Variants in DRC11 observed in about 807,000 individuals in gnomAD.
DRC11 encodes dynein regulatory complex subunit 11, also known as IQ and AAA domain-containing protein 1.
chr2:236,373,040 T>C, the DRC11 span, among the ~76,000 whole-genome samples: 5 of 152,176 alleles, frequency 3.3e-5, no homozygotes, highest in African/African-American at 1.2e-4. Flanking sequence ...TTTAATATCC[T>C]TAATTTCTAA....
the DRC11 span, among the ~76,000 whole-genome samples, chr2:236,348,095 G>A: frequency 6.6e-6 from 1 of 152,194 alleles, no homozygotes; most frequent in South Asian, 2.1e-4. The surrounding 1 kb of genome is among the most constrained non-coding windows in gnomAD (Gnocchi z 7.4). Context: ...TTAAAAGAAC[G>A]TTTAATAAAA....
chr2:236,455,457 G>A, the DRC11 span, among the ~76,000 whole-genome samples: 1 of 152,224 alleles, frequency 6.6e-6, no homozygotes, highest in Admixed American at 6.5e-5. This position sits in a 1 kb window ranked among gnomAD's most constrained non-coding sequence, Gnocchi z 5.7. Context: ...GACTAGTGAT[G>A]GGAGGTGCTG....
chr2:236,388,978 G>C, the DRC11 span, among the ~76,000 whole-genome samples: 4 of 152,114 alleles, frequency 2.6e-5, no homozygotes, highest in Non-Finnish European at 4.4e-5. Flanking sequence ...CTGCTCGGGG[G>C]TCAGGGGTCA....
chr2:236,487,419 C>T, the DRC11 span, among the ~76,000 whole-genome samples: 2,053 of 152,146 alleles, frequency 0.013, 55 homozygotes, highest in African/African-American at 0.047. Context: ...ATTTTATGTC[C>T]TTATACTTAT....
At chr2:236,383,825 C>A in the DRC11 span, among the ~76,000 whole-genome samples, 1 of 151,848 alleles carries the variant, frequency 6.6e-6, no homozygotes, top group South Asian at 2.1e-4. Flanking sequence ...TCCCCCCACC[C>A]CACAACAGTC....
chr2:236,352,459 A>T, the DRC11 span, among the ~76,000 whole-genome samples: 5 of 152,208 alleles, frequency 3.3e-5, no homozygotes, highest in East Asian at 9.7e-4. The surrounding 1 kb of genome is among the most constrained non-coding windows in gnomAD (Gnocchi z 7.0). Flanking sequence ...TGCACCACAG[A>T]CACTGGGGGA....
the DRC11 span, chr2:236,488,002 TC>T: frequency 6.3e-7 from 1 of 1,576,754 alleles, no homozygotes; most frequent in South Asian, 1.2e-5. Context: ...GTTTGCACCT[TC>T]TGAATGCGGA....
chr2:236,489,426 C>T, the DRC11 span, among the ~76,000 whole-genome samples: 1 of 151,170 alleles, frequency 6.6e-6, no homozygotes. Context: ...ATGCTGGGGC[C>T]TGTGTGGGCT....
the DRC11 span, among the ~76,000 whole-genome samples, chr2:236,350,568 C>T: frequency 1.3e-5 from 2 of 152,226 alleles, no homozygotes; most frequent in East Asian, 3.9e-4. This position sits in a 1 kb window ranked among gnomAD's most constrained non-coding sequence, Gnocchi z 5.2. Context: ...ACAGATGAGG[C>T]TGCTGAGGCA....
At chr2:236,444,607 C>A in the DRC11 span, among the ~76,000 whole-genome samples, 1 of 152,284 alleles carries the variant, frequency 6.6e-6, no homozygotes, top group East Asian at 1.9e-4. Flanking sequence ...AGCTCACTCC[C>A]CCAAGGTAGC....
chr2:236,363,542 G>C, the DRC11 span, among the ~76,000 whole-genome samples: 2 of 152,190 alleles, frequency 1.3e-5, no homozygotes, highest in African/African-American at 4.8e-5. This position sits in a 1 kb window ranked among gnomAD's most constrained non-coding sequence, Gnocchi z 5.6. Context: ...TTTCCAGAAG[G>C]GTTCCTGTGG....
chr2:236,464,313 C>T, the DRC11 span, among the ~76,000 whole-genome samples: 2 of 152,148 alleles, frequency 1.3e-5, no homozygotes, highest in Non-Finnish European at 2.9e-5. Flanking sequence ...CCACAGTTGG[C>T]GTCAGAGCAT....
chr2:236,488,068 CT>C, the DRC11 span: 1 of 1,608,134 alleles, frequency 6.2e-7, no homozygotes, highest in Non-Finnish European at 8.5e-7. Context: ...GATTGCTTTG[CT>C]CTATATTCTT....
chr2:236,306,972 C>T, the DRC11 span, among the ~76,000 whole-genome samples: 2 of 152,172 alleles, frequency 1.3e-5, no homozygotes, highest in Non-Finnish European at 2.9e-5. This position sits in a 1 kb window ranked among gnomAD's most constrained non-coding sequence, Gnocchi z 5.9. Context: ...CCTTCTTACA[C>T]CATTGCAGCC....
the DRC11 span, chr2:236,346,570 C>T: frequency 6.0e-6 from 1 of 167,796 alleles, no homozygotes. Context: ...AGGGGCCAGC[C>T]CTAGGACCTC....
the DRC11 span, among the ~76,000 whole-genome samples, chr2:236,374,035 G>A: frequency 6.6e-6 from 1 of 152,112 alleles, no homozygotes; most frequent in Non-Finnish European, 1.5e-5. Flanking sequence ...CTATTGAGGT[G>A]GGCCAAACCC....
chr2:236,481,530 G>A, the DRC11 span, among the ~76,000 whole-genome samples: 7 of 152,116 alleles, frequency 4.6e-5, no homozygotes, highest in Non-Finnish European at 1.0e-4. Context: ...TAATCTTGGT[G>A]CTGGATATTC....
At chr2:236,320,213 C>T in the DRC11 span, among the ~76,000 whole-genome samples, 7 of 152,352 alleles carry the variant, frequency 4.6e-5, no homozygotes, top group South Asian at 2.1e-4. Context: ...TGGTTTCCCA[C>T]GTCCTGTTGC....
At chr2:236,497,891 A>T in the DRC11 span, among the ~76,000 whole-genome samples, 1 of 152,188 alleles carries the variant, frequency 6.6e-6, no homozygotes, top group East Asian at 1.9e-4. This position sits in a 1 kb window ranked among gnomAD's most constrained non-coding sequence, Gnocchi z 5.1. Flanking sequence ...GCATTTTCTT[A>T]TTAAGTTGAA....
Sources: allele counts gnomAD v4.1 joint callset (sites outside exome capture counted in the v4.1 genomes callset), GRCh38; gene constraint gnomAD v4.1.1; non-coding constraint Gnocchi (gnomAD v3.1); transcripts MANE v1.5; gene names NCBI Gene and HGNC (gene_info 2026-07-23, HGNC 2026-07-21).